The following HLA-DOB variants were observed in gnomAD, a reference collection of about 807,000 sequenced individuals.
HLA-DOB encodes the protein major histocompatibility complex, class II, DO beta.
A neutral mutation model predicts 27.7 loss-of-function variants in HLA-DOB; 25 were observed. The ratio of observed to expected loss-of-function variants is 0.90; its 90% CI spans 0.66 to 1.26. The LOEUF (loss-of-function observed/expected upper bound fraction) is 1.26. HLA-DOB is among the 50% of genes most tolerant of loss of function. The pLI is 0.00. For missense variants in HLA-DOB, 306 were observed against 324.9 expected (o/e 0.94, Z 0.45); for synonymous variants, 137 against 125.6 (o/e 1.09, Z -0.61).
Position 32,815,281 on chromosome 6 carries a change from A to G in HLA-DOB, c.124T>C (p.Tyr42His), listed in dbSNP as rs1308964817. 6.2e-7 allele frequency: 1 copy of G among 1,614,252 alleles called. No individual in the cohort carries two copies. The highest frequency in any genetic ancestry group is 8.5e-7 in the Non-Finnish European group (1 of 1,180,044). ...DFVIQAKADC[Y>H]FTNGTEKVQF... ...ACCTTTTCTGTCCCGTTGGTGAAGT[A>G]ACAGTCAGCCTTTGCCTGAATCACA... Residue 42 changes from tyrosine (Y) to histidine (H), a missense_variant, in exon 2 of 6, where the codon TAC becomes CAC. Coordinates refer to ENST00000438763, the MANE Select transcript of HLA-DOB (RefSeq NM_002120.4).
chr6:32,816,635 T>G (rs567269075), intron 1 of HLA-DOB, among the ~76,000 whole-genome samples: 175 of 152,262 alleles, frequency 1.1e-3, no homozygotes, highest in African/African-American at 4.0e-3. Context: ...ACACAATGTT[T>G]CCCTCTTCCT....
intron 4 of HLA-DOB, 101 bp from the exon 5 acceptor site, chr6:32,813,572 C>CTTATCCCA: frequency 7.3e-7 from 1 of 1,364,264 alleles, no homozygotes; most frequent in Non-Finnish European, 1.0e-6. Context: ...ACTCTCTCTG[C>CTTATCCCA]TTATCCCATT....
chr6:32,813,200 A>C lies in HLA-DOB; in HGVS notation c.*16T>G. 6.2e-7 allele frequency: 1 copy of C among 1,612,048 alleles called. No homozygotes were observed. The highest frequency in any genetic ancestry group is 8.5e-7 in the Non-Finnish European group (1 of 1,179,052). ...CACTACTTCAGGCTCCAGAGAGAGAAGCTTCAGTGAGGACCTTAGCATGAC... is the reference window on the plus strand; with the variant it reads ...CACTACTTCAGGCTCCAGAGAGAGACGCTTCAGTGAGGACCTTAGCATGAC... On this transcript the variant is annotated 3_prime_UTR_variant, in exon 6 of 6. Transcript: ENST00000438763.
At chr6:32,813,492 G>A (rs574706434) in intron 4 of HLA-DOB, 21 bp from the exon 5 acceptor site, 2 of 1,611,832 alleles carry the variant, frequency 1.2e-6, no homozygotes, top group African/African-American at 1.3e-5. Flanking sequence ...ATCGAGAAAA[G>A]AATGGATTGC....
chr6:32,812,926 C>A lies in HLA-DOB; in HGVS notation c.*290G>T. On this transcript the variant is annotated 3_prime_UTR_variant, in exon 6 of 6. Coordinates refer to ENST00000438763, the MANE Select transcript of HLA-DOB (RefSeq NM_002120.4). Reference sequence around the variant, plus strand: ...GACTTATAGGAGTAGGGCTGGACCACAGAAAAGTAAATGATTTGGGGCTGG... The same window carrying A: ...GACTTATAGGAGTAGGGCTGGACCAAAGAAAAGTAAATGATTTGGGGCTGG... The A allele has an allele frequency of 1.9e-6, 1 of 518,160 alleles. No individual in the cohort carries two copies. Among genetic ancestry groups the A allele is most frequent in the Non-Finnish European group, 3.5e-6 (1 of 289,376 alleles). The allele number at this position is 518,160 out of a possible 1,614,324, so 32.1% of individuals were successfully genotyped here.
chr6:32,814,046 A>G (rs1767912281), intron 3 of HLA-DOB: 2 of 607,804 alleles, frequency 3.3e-6, no homozygotes. Flanking sequence ...CCTCCTAAAT[A>G]CTAAGACCAA....
Position 32,815,171 on chromosome 6 carries a change from C to G in HLA-DOB, c.234G>C (p.Lys78Asn), listed in dbSNP as rs751362778. The change falls in exon 2 of 6, where the codon AAG (lysine) becomes AAC (asparagine). Residue 78 changes from lysine (K) to asparagine (N), a missense_variant. Transcript: ENST00000438763. ...SDVGMFVALT[K>N]LGQPDAEQWN... is the part of the protein sequence containing the mutation. ...ACTGCTCAGCATCTGGCTGCCCCAG[C>G]TTGGTCAATGCCACAAACATCCCCA... is the stretch of plus-strand genomic sequence containing the variant. The G allele has an allele frequency of 2.0e-5, 32 of 1,614,114 alleles. No individual in the cohort carries two copies. Among genetic ancestry groups the G allele is most frequent in the Non-Finnish European group, 2.6e-5 (31 of 1,180,052 alleles).
intron 4 of HLA-DOB, 29 bp from the exon 5 acceptor site, chr6:32,813,500 T>C: frequency 1.2e-6 from 2 of 1,611,052 alleles, no homozygotes; most frequent in Non-Finnish European, 1.7e-6. Flanking sequence ...AAGAATGGAT[T>C]GCCCCAATTA....
intron 1 of HLA-DOB, 24 bp from the exon 2 acceptor site, chr6:32,815,337 T>C: frequency 6.2e-7 from 1 of 1,613,192 alleles, no homozygotes. Flanking sequence ...ACCAAAACCA[T>C]GAACCAGCCC....
At chr6:32,813,530 C>T (rs537924792) in intron 4 of HLA-DOB, 59 bp from the exon 5 acceptor site, 19 of 1,581,638 alleles carry the variant, frequency 1.2e-5, no homozygotes, top group African/African-American at 2.7e-5. Flanking sequence ...ATGATTATCC[C>T]GAGGGAAGAA....
chr6:32,813,860 T>TA, intron 3 of HLA-DOB, 27 bp from the exon 4 acceptor site: 1 of 1,331,198 alleles, frequency 7.5e-7, no homozygotes, highest in Non-Finnish European at 1.1e-6. Flanking sequence ...TTTAAATTAG[T>TA]AAAAATATCC....
chr6:32,814,141 G>A, intron 3 of HLA-DOB, 179 bp downstream of exon 3: 1 of 628,168 alleles, frequency 1.6e-6, no homozygotes, highest in Non-Finnish European at 2.8e-6. Context: ...TATGAGGATA[G>A]ATATCTGCCA....
Position 32,813,473 on chromosome 6 carries a change from T to C in HLA-DOB, c.755-2A>G. On this transcript the variant is annotated splice_acceptor_variant, in intron 4 of 5. Coordinates refer to ENST00000438763, the MANE Select transcript of HLA-DOB (RefSeq NM_002120.4). LOFTEE classifies it high-confidence loss of function. ...CAGACATCTGCGTCCTCACATATCC[T>C]GGAAAGAAATCGAGAAAAGAATGGA... is the stretch of plus-strand genomic sequence containing the variant. The C allele has an allele frequency of 5.0e-6, 8 of 1,612,888 alleles. No homozygotes were observed. The highest frequency in any genetic ancestry group is 2.2e-5 in the South Asian group (2 of 91,064).
intron 3 of HLA-DOB, 138 bp downstream of exon 3, chr6:32,814,182 G>T: frequency 1.2e-6 from 1 of 816,714 alleles, no homozygotes; most frequent in African/African-American, 1.7e-5. Context: ...CAAGGACTCT[G>T]GTTTCTGTGA....
chr6:32,815,611 G>A (rs1370411886), intron 1 of HLA-DOB, among the ~76,000 whole-genome samples: 7 of 152,212 alleles, frequency 4.6e-5, no homozygotes, highest in African/African-American at 9.6e-5. Flanking sequence ...GAATGAGAAC[G>A]GAGGCAAGAG....
chr6:32,816,798 G>C, intron 1 of HLA-DOB, 63 bp downstream of exon 1: 2 of 1,306,252 alleles, frequency 1.5e-6, no homozygotes, highest in South Asian at 2.4e-5. Context: ...ACAAAGAAAG[G>C]CATCACTCCC....
intron 4 of HLA-DOB, 97 bp downstream of exon 4, chr6:32,813,626 C>T: frequency 8.5e-7 from 1 of 1,175,532 alleles, no homozygotes; most frequent in African/African-American, 1.5e-5. Context: ...CTGAGAGGCA[C>T]AATCAGCTTT....
chr6:32,814,735 A>C, intron 2 of HLA-DOB, 134 bp from the exon 3 acceptor site: 2 of 848,064 alleles, frequency 2.4e-6, no homozygotes, highest in Non-Finnish European at 3.7e-6. Context: ...GGCAAGTCTC[A>C]GCCCCCAAGA....
At position 32,814,369 on chromosome 6, in the gene HLA-DOB, G is replaced by A. The variant is rs150977248; in HGVS notation, c.594C>T (p.Thr198=). The A allele has an allele frequency of 1.9e-6, 3 of 1,613,034 alleles. No homozygotes were observed. Among genetic ancestry groups the A allele is most frequent in the African/African-American group, 1.3e-5 (1 of 75,034 alleles). Residue 198 remains threonine (T), a synonymous_variant, in exon 3 of 6, where the codon ACC becomes ACT. Transcript: ENST00000438763. Reference sequence around the variant, plus strand: ...GCAGGCTGGAGTGATCGACAAGGCAGGTGTAGACATGTCCAAGTTCAGGAG... The same window carrying A: ...GCAGGCTGGAGTGATCGACAAGGCAAGTGTAGACATGTCCAAGTTCAGGAG... ...EMTPELGHVY[T]CLVDHSSLLS... is the part of the protein sequence containing the mutation.
Sources: gnomAD v4.1 joint callset for allele counts (sites outside exome capture counted in the v4.1 genomes callset) on GRCh38, gnomAD v4.1.1 for gene constraint, MANE v1.5 for transcripts, NCBI Gene and HGNC (gene_info 2026-07-23, HGNC 2026-07-21) for gene names.